The following PLEKHF2 variants were observed in gnomAD, a reference collection of about 807,000 sequenced individuals.
PLEKHF2 encodes the protein pleckstrin homology and FYVE domain containing 2, also known as pleckstrin homology domain-containing family F member 2.
In PLEKHF2, 4 loss-of-function variants were observed where a neutral mutation model predicts 14.7. The ratio of observed to expected loss-of-function variants is 0.27; its 90% CI spans 0.13 to 0.62. The LOEUF (loss-of-function observed/expected upper bound fraction) is 0.62, where lower values mean the gene tolerates loss of function less well. PLEKHF2 is among the 20% of genes least tolerant of loss of function. The probability of loss-of-function intolerance (pLI) is 0.85; values close to 1 mark genes in which losing one functional copy is unlikely to be tolerated. For missense variants in PLEKHF2, 201 were observed against 307.7 expected (o/e 0.65, Z 2.60); for synonymous variants, 90 against 103.5 (o/e 0.87, Z 0.79).
In PLEKHF2 at chr8:95,154,948, T is replaced by G; in HGVS notation, c.*154T>G. 9 of 858,052 alleles carry G rather than the reference T, an allele frequency of 1.0e-5. No homozygotes were observed. In the South Asian group the frequency reaches 1.7e-4, roughly 16 times the overall value. 53.2% of individuals were successfully genotyped at this position (858,052 alleles called of 1,614,324 possible). On this transcript the variant is annotated 3_prime_UTR_variant, in exon 2 of 2. Transcript: ENST00000315367. The surrounding 1 kb of genome is among the most constrained non-coding windows in gnomAD (Gnocchi z 5.6). The stretch of plus-strand genomic sequence containing the variant: ...GTGCCTCAATATATTCCATAGAAAG[T>G]AGGTCCCCCTGCCTTCTCCCACTCC...
chr8:95,149,713 C>T (rs1810537242), intron 1 of PLEKHF2, among the ~76,000 whole-genome samples: 1 of 152,096 alleles, frequency 6.6e-6, no homozygotes, highest in Non-Finnish European at 1.5e-5. Context: ...GAAATTTGTT[C>T]TATGAAGCCA....
chr8:95,140,423 C>T (rs998024031), intron 1 of PLEKHF2, among the ~76,000 whole-genome samples: 1 of 152,206 alleles, frequency 6.6e-6, no homozygotes, highest in Non-Finnish European at 1.5e-5. Flanking sequence ...TGTACTGCTT[C>T]TGTGTCTGAT....
At chr8:95,147,393 C>T (rs1587308148) in intron 1 of PLEKHF2, among the ~76,000 whole-genome samples, 1 of 151,956 alleles carries the variant, frequency 6.6e-6, no homozygotes, top group Non-Finnish European at 1.5e-5. Flanking sequence ...TTTTGGGTTT[C>T]TTTTCTGAGT....
rs1810592919 is a variant in PLEKHF2 at position 95,154,464 on chromosome 8, A to G, written c.420A>G (p.Thr140=). The part of the protein sequence containing the change: ...VTDLLSKSGK[T]PSNEHAAVWV... ...ATTTACTCTCCAAAAGTGGGAAGAC[A>G]CCCAGTAATGAACATGCTGCTGTCT... The change falls in exon 2 of 2, where the codon ACA becomes ACG. Residue 140 remains threonine (T), a synonymous_variant. Transcript: ENST00000315367. This position sits in a 1 kb window ranked among gnomAD's most constrained non-coding sequence, Gnocchi z 5.6. The G allele has an allele frequency of 6.2e-7, 1 of 1,614,096 alleles. No homozygotes were observed. The highest frequency in any genetic ancestry group is 8.5e-7 in the Non-Finnish European group (1 of 1,179,954).
rs779540677 is a variant in PLEKHF2 at position 95,154,072 on chromosome 8, G to A, written c.28G>A (p.Ala10Thr). The change falls in exon 2 of 2, where the codon GCA becomes ACA. Residue 10 changes from alanine (A) to threonine (T), a missense_variant. Coordinates refer to ENST00000315367, the MANE Select transcript of PLEKHF2 (RefSeq NM_024613.4). The surrounding 1 kb of genome is among the most constrained non-coding windows in gnomAD (Gnocchi z 5.6). Reference protein sequence around the residue: MVDRLANSEANTRRISIVEN... With the variant: MVDRLANSETNTRRISIVEN... The stretch of plus-strand genomic sequence containing the variant: ...GGTGGATCGCTTGGCAAACAGTGAA[G>A]CAAATACTAGACGTATAAGTATAGT... 6.3e-7 allele frequency: 1 copy of A among 1,598,818 alleles called. No homozygotes were observed. Among genetic ancestry groups the A allele is most frequent in the Non-Finnish European group, 8.5e-7 (1 of 1,172,014 alleles).
intron 1 of PLEKHF2, among the ~76,000 whole-genome samples, chr8:95,146,376 TAAAA>T (rs769009440): frequency 6.6e-6 from 1 of 152,162 alleles, no homozygotes; most frequent in Non-Finnish European, 1.5e-5. Context: ...ATGTAAGAAA[TAAAA>T]TTAGATTTGT....
chr8:95,154,675 C>G lies in PLEKHF2; in HGVS notation c.631C>G (p.Leu211Val), dbSNP rs1014499604. 6.2e-7 allele frequency: 1 copy of G among 1,614,166 alleles called. No homozygotes were observed. The highest frequency in any genetic ancestry group is 1.7e-5 in the Admixed American group (1 of 60,002). ...GATTTGTGACTTCTGCTATGACCTGCTTTCTGCTGGGGACATGGCCACATG... is the reference window on the plus strand; with the variant it reads ...GATTTGTGACTTCTGCTATGACCTGGTTTCTGCTGGGGACATGGCCACATG... ...VRICDFCYDL[L>V]SAGDMATCQP... Residue 211 changes from leucine (L) to valine (V), a missense_variant, in exon 2 of 2, where the codon CTT (leucine) becomes GTT (valine). Transcript: ENST00000315367. This position sits in a 1 kb window ranked among gnomAD's most constrained non-coding sequence, Gnocchi z 5.6.
At chr8:95,153,643 A>G (rs760268616) in intron 1 of PLEKHF2, among the ~76,000 whole-genome samples, 80 of 152,186 alleles carry the variant, frequency 5.3e-4, no homozygotes, top group Non-Finnish European at 1.1e-3. Context: ...CATTTTTCTT[A>G]GTTTATGTAA....
intron 1 of PLEKHF2, among the ~76,000 whole-genome samples, chr8:95,147,015 A>G (rs960454369): frequency 6.6e-6 from 1 of 152,116 alleles, no homozygotes; most frequent in African/African-American, 2.4e-5. Context: ...TAACTATCTT[A>G]CAGAAGAAAC....
chr8:95,136,741 G>A (rs1467895271), intron 1 of PLEKHF2, among the ~76,000 whole-genome samples: 1 of 152,176 alleles, frequency 6.6e-6, no homozygotes, highest in South Asian at 2.1e-4. Flanking sequence ...TTTTGTTGTT[G>A]TTTATCTTTG....
At chr8:95,143,380 T>G (rs576344704) in intron 1 of PLEKHF2, among the ~76,000 whole-genome samples, 1 of 152,284 alleles carries the variant, frequency 6.6e-6, no homozygotes, top group African/African-American at 2.4e-5. Flanking sequence ...ATTACAGGCG[T>G]GGGACACCGC....
chr8:95,153,089 C>G (rs1223549211), intron 1 of PLEKHF2, among the ~76,000 whole-genome samples: 1 of 152,088 alleles, frequency 6.6e-6, no homozygotes, highest in African/African-American at 2.4e-5. Context: ...CAGTTTCAAA[C>G]AAAACTATCA....
At chr8:95,143,570 C>G (rs939791415) in intron 1 of PLEKHF2, among the ~76,000 whole-genome samples, 1 of 152,104 alleles carries the variant, frequency 6.6e-6, no homozygotes, top group Non-Finnish European at 1.5e-5. Flanking sequence ...GTGAGGCTAT[C>G]GAACTGAGTG....
intron 1 of PLEKHF2, among the ~76,000 whole-genome samples, chr8:95,146,615 C>T (rs1810503674): frequency 6.6e-6 from 1 of 151,322 alleles, no homozygotes; most frequent in Non-Finnish European, 1.5e-5. Flanking sequence ...AAGATGTTAC[C>T]TAAAGACTAG....
chr8:95,143,736 A>T (rs548563535), intron 1 of PLEKHF2, among the ~76,000 whole-genome samples: 1 of 152,350 alleles, frequency 6.6e-6, no homozygotes, highest in Non-Finnish European at 1.5e-5. Flanking sequence ...AAGAGGTAAA[A>T]CTGGAAAGAT....
At chr8:95,138,141 A>G (rs558987843) in intron 1 of PLEKHF2, among the ~76,000 whole-genome samples, 2 of 152,184 alleles carry the variant, frequency 1.3e-5, no homozygotes, top group African/African-American at 4.8e-5. Context: ...TGATCATTAC[A>G]TACTTGTTTT....
intron 1 of PLEKHF2, among the ~76,000 whole-genome samples, chr8:95,147,418 T>G (rs925970340): frequency 1.3e-5 from 2 of 152,020 alleles, no homozygotes; most frequent in Non-Finnish European, 2.9e-5. Context: ...ATTATTATGT[T>G]GATTTCATAT....
intron 1 of PLEKHF2, among the ~76,000 whole-genome samples, chr8:95,135,687 A>T (rs1465973279): frequency 1.3e-5 from 2 of 152,224 alleles, no homozygotes; most frequent in Non-Finnish European, 2.9e-5. Flanking sequence ...TGGCATTATA[A>T]CATTTTTTAT....
chr8:95,138,252 T>C (rs1022481092), intron 1 of PLEKHF2, among the ~76,000 whole-genome samples: 2 of 151,818 alleles, frequency 1.3e-5, no homozygotes, highest in Non-Finnish European at 2.9e-5. Flanking sequence ...CTAACCCCAG[T>C]CTCGAAACAT....
Sources: allele counts gnomAD v4.1 joint callset (sites outside exome capture counted in the v4.1 genomes callset), GRCh38; gene constraint gnomAD v4.1.1; non-coding constraint Gnocchi (gnomAD v3.1); transcripts MANE v1.5; gene names NCBI Gene and HGNC (gene_info 2026-07-23, HGNC 2026-07-21).